ADAM28: variants seen among roughly 807,000 people sequenced by gnomAD.
The protein encoded by ADAM28 is disintegrin and metalloproteinase domain-containing protein 28.
In ADAM28, 105 loss-of-function variants were observed where a neutral mutation model predicts 101.2. The observed-to-expected ratio is 1.04, with a 90% confidence interval of 0.89 to 1.22. ADAM28 has a LOEUF of 1.22. Among genes scored for constraint, ADAM28 ranks in the 50% most tolerant of loss-of-function variants. ADAM28 has a pLI of 0.00. For synonymous variants in ADAM28, 322 were observed against 310.6 expected (o/e 1.04, Z -0.39); for missense variants, 1,028 against 945.4 (o/e 1.09, Z -1.15).
intron 2 of ADAM28, among the ~76,000 whole-genome samples, 188 bp downstream of exon 2, chr8:24,300,265 T>G (rs555402514): frequency 1.3e-5 from 2 of 152,278 alleles, no homozygotes; most frequent in African/African-American, 4.8e-5. Flanking sequence ...CACCTTGGAG[T>G]TAAATAACAA....
chr8:24,348,910 T>C (rs948785318), intron 18 of ADAM28, among the ~76,000 whole-genome samples: 11 of 152,192 alleles, frequency 7.2e-5, no homozygotes, highest in African/African-American at 2.4e-4. Flanking sequence ...CAAGTAAGTG[T>C]ATGTTTTTCA....
chr8:24,312,453 A>G (rs1359960554), intron 5 of ADAM28, among the ~76,000 whole-genome samples: 2 of 152,052 alleles, frequency 1.3e-5, no homozygotes, highest in Admixed American at 6.6e-5. Flanking sequence ...GAAATTGTTC[A>G]TTCTGTCTCT....
At chr8:24,345,736 A>C (rs1815328949) in intron 18 of ADAM28, among the ~76,000 whole-genome samples, 1 of 152,068 alleles carries the variant, frequency 6.6e-6, no homozygotes, top group Admixed American at 6.6e-5. Context: ...TCATCCAATA[A>C]GGTTGAATTA....
rs1433906942 is a variant in ADAM28, at chr8:24,354,534, T to C, written c.*130T>C. 3.5e-6 allele frequency: 4 copies of C among 1,133,342 alleles called. No individual in the cohort carries two copies. The African/African-American group carries it at 4.9e-5, about 14-fold the overall frequency. 70.2% of individuals were successfully genotyped at this position (1,133,342 alleles called of 1,614,324 possible). A position where few individuals can be genotyped will look rare whatever the true frequency, so the allele number is the denominator to read the frequency against. ...ACTCAAGAAGGTTAACATTTTCTGA[T>C]TCATGTTAGACTTTGAAGAGACTAA... On this transcript the variant is annotated 3_prime_UTR_variant, in exon 23 of 23. Coordinates refer to ENST00000265769, the MANE Select transcript of ADAM28 (RefSeq NM_014265.6).
chr8:24,332,610 TG>T, intron 12 of ADAM28, 49 bp from the exon 13 acceptor site: 1 of 1,127,810 alleles, frequency 8.9e-7, no homozygotes, highest in Non-Finnish European at 1.2e-6. Flanking sequence ...TGTGCTGAAC[TG>T]GGACCAAAAA....
intron 14 of ADAM28, chr8:24,335,861 AG>A (rs1191608926): frequency 4.9e-6 from 6 of 1,236,448 alleles, no homozygotes; most frequent in Non-Finnish European, 6.1e-6. Flanking sequence ...AAAATTAACA[AG>A]TTTTTTGTTA....
chr8:24,330,209 C>T (rs1026899617), intron 11 of ADAM28, 94 bp downstream of exon 11: 208 of 1,450,092 alleles, frequency 1.4e-4, no homozygotes, highest in Admixed American at 5.4e-4. Flanking sequence ...ACAACGTGTT[C>T]GAGTTTTTGA....
Position 24,316,097 on chromosome 8 carries a change from T to TAC in ADAM28, c.576+2517_576+2518insAC, listed in dbSNP as rs1204847256. On this transcript the variant is annotated intron_variant, in intron 6 of 22. Coordinates refer to ENST00000265769, the MANE Select transcript of ADAM28 (RefSeq NM_014265.6). Reference sequence around the variant, plus strand: ...TTATTTATTTATTTATTTATTTATATTTTTTAGCAGTCAAATATACCTTAT... The same window carrying TAC: ...TTATTTATTTATTTATTTATTTATATACTTTTTAGCAGTCAAATATACCTTAT... Among the ~76,000 whole-genome samples the TAC allele has an allele frequency of 4.5e-3, 681 of 151,680 alleles. 6 individuals are homozygous for TAC. The highest frequency in any genetic ancestry group is 0.016 in the African/African-American group (652 of 41,454).
chr8:24,336,590 A>AT (rs1398166708), intron 14 of ADAM28, among the ~76,000 whole-genome samples: 2 of 139,134 alleles, frequency 1.4e-5, no homozygotes, highest in Non-Finnish European at 3.2e-5. Context: ...CAAAAAAAAA[A>AT]AAAAAAAAAG....
At chr8:24,294,964 G>A (rs1387568268) in intron 1 of ADAM28, among the ~76,000 whole-genome samples, 1 of 152,152 alleles carries the variant, frequency 6.6e-6, no homozygotes, top group Non-Finnish European at 1.5e-5. Context: ...CTCAGCACAT[G>A]AACTGCAGTG....
rs376742352 is a variant in ADAM28, at chr8:24,309,464, T to A, written c.151-430T>A. ...TAAACATTACTTCCTCAAAAAAGCC[T>A]TTCCTGGCTTTAAGATGTGAGACAT... On this transcript the variant is annotated intron_variant, in intron 2 of 22. Coordinates refer to ENST00000265769, the MANE Select transcript of ADAM28 (RefSeq NM_014265.6). 2.0e-5 allele frequency among the ~76,000 whole-genome samples: 3 copies of A among 152,212 alleles called. No homozygotes were observed. In the East Asian group the frequency reaches 5.8e-4, roughly 29 times the overall value.
Position 24,300,078 on chromosome 8 carries a change from G to A in ADAM28, c.150+1G>A. 1 of 1,610,734 alleles carries A rather than the reference G, an allele frequency of 6.2e-7. No individual in the cohort carries two copies. Among genetic ancestry groups the A allele is most frequent in the Non-Finnish European group, 8.5e-7 (1 of 1,178,586 alleles). ...AGAGGCCAAAGAGCCAGAGCAACAG[G>A]TACAGCTTTTGATTTATCAAAGGAT... On this transcript the variant is annotated splice_donor_variant, in intron 2 of 22. Coordinates refer to ENST00000265769, the MANE Select transcript of ADAM28 (RefSeq NM_014265.6). LOFTEE classifies it high-confidence loss of function.
At chr8:24,335,206 C>T (rs1813859430) in intron 13 of ADAM28, among the ~76,000 whole-genome samples, 1 of 147,412 alleles carries the variant, frequency 6.8e-6, no homozygotes, top group South Asian at 2.2e-4. Context: ...CATTATGTTT[C>T]TTTGGTGTTT....
intron 10 of ADAM28, among the ~76,000 whole-genome samples, 165 bp downstream of exon 10, chr8:24,326,800 C>T (rs2129297968): frequency 6.6e-6 from 1 of 152,170 alleles, no homozygotes; most frequent in South Asian, 2.1e-4. Context: ...CCAGTGTAAA[C>T]TCAACATATT....
intron 6 of ADAM28, among the ~76,000 whole-genome samples, chr8:24,315,297 C>T: frequency 6.6e-6 from 1 of 151,336 alleles, no homozygotes; most frequent in East Asian, 1.9e-4. Context: ...GAGGAAAACT[C>T]AAATATATAA....
chr8:24,325,786 A>T (rs184640843), intron 9 of ADAM28, among the ~76,000 whole-genome samples: 25 of 150,078 alleles, frequency 1.7e-4, no homozygotes, highest in Admixed American at 1.5e-3. Context: ...TTCCCACGTA[A>T]GTGCATCTAC....
At chr8:24,328,916 A>G (rs921825093) in intron 10 of ADAM28, among the ~76,000 whole-genome samples, 2 of 145,606 alleles carry the variant, frequency 1.4e-5, no homozygotes, top group Non-Finnish European at 3.0e-5. Context: ...AGTGAGACAC[A>G]GTCTCAAAAA....
intron 2 of ADAM28, among the ~76,000 whole-genome samples, chr8:24,305,691 C>T (rs112883581): frequency 0.031 from 4,782 of 151,848 alleles, 242 homozygotes; most frequent in African/African-American, 0.11. Context: ...TTTTAATGTT[C>T]CTTTAAATGG....
chr8:24,353,055 A>G (rs2129344492), intron 21 of ADAM28, among the ~76,000 whole-genome samples: 1 of 152,268 alleles, frequency 6.6e-6, no homozygotes, highest in South Asian at 2.1e-4. Context: ...CATTTGTCCC[A>G]GGGATATCTA....
Sources: allele counts gnomAD v4.1 joint callset (sites outside exome capture counted in the v4.1 genomes callset), GRCh38; gene constraint gnomAD v4.1.1; transcripts MANE v1.5; gene names NCBI Gene and HGNC (gene_info 2026-07-23, HGNC 2026-07-21).